SBF1: variants seen among roughly 807,000 people sequenced by gnomAD.
The protein encoded by SBF1 is SET binding factor 1.
Under a neutral mutation model 215.8 loss-of-function variants are expected in SBF1, and 65 were observed. The ratio of observed to expected loss-of-function variants is 0.30; its 90% CI spans 0.25 to 0.37. The LOEUF is 0.37. Among genes scored for constraint, SBF1 ranks in the 10% least tolerant of loss-of-function variants. SBF1 has a pLI of 1.00. For synonymous variants in SBF1, 1,410 were observed against 1,122.8 expected (o/e 1.26, Z -5.11); for missense variants, 2,634 against 2,667.8 (o/e 0.99, Z 0.28).
Position 50,447,075 on chromosome 22 carries a change from G to T in SBF1, c.*67C>A. ...GGCCGGGGCTGTAAACATGGCCGGG[G>T]CGGCCCTGCCCACCCCTAGTGGTCG... On this transcript the variant is annotated 3_prime_UTR_variant, in exon 41 of 41. Coordinates refer to ENST00000380817, the MANE Select transcript of SBF1 (RefSeq NM_002972.4). The T allele has an allele frequency of 7.1e-7, 1 of 1,413,766 alleles. No individual in the cohort carries two copies. Among genetic ancestry groups the T allele is most frequent in the Non-Finnish European group, 9.8e-7 (1 of 1,024,186 alleles). The allele number at this position is 1,413,766 out of a possible 1,614,324, so 87.6% of individuals were successfully genotyped here. A position where few individuals can be genotyped will look rare whatever the true frequency, so the allele number is the denominator to read the frequency against.
chr22:50,464,056 A>C (rs1482854222), intron 15 of SBF1, among the ~76,000 whole-genome samples: 12 of 152,242 alleles, frequency 7.9e-5, no homozygotes, highest in Admixed American at 7.9e-4. Context: ...GGGGAAGGAC[A>C]CAGACGAAAC....
chr22:50,446,371 C>CGCCTCCG lies in SBF1; in HGVS notation c.*764_*770dup, dbSNP rs1556414659. 1.8e-5 allele frequency: 2 copies of CGCCTCCG among 112,402 alleles called. No individual in the cohort carries two copies. Among genetic ancestry groups the CGCCTCCG allele is most frequent in the African/African-American group, 7.2e-5 (2 of 27,778 alleles). 7.0% of individuals were successfully genotyped at this position (112,402 alleles called of 1,614,324 possible). ...GAGCCCACTGTCCCCCCCCCCCCCCCGCCTCCGGCCTCCATCCCTTCAGCT... is the reference window on the plus strand; with the variant it reads ...GAGCCCACTGTCCCCCCCCCCCCCCCGCCTCCGGCCTCCGGCCTCCATCCCTTCAGCT... On this transcript the variant is annotated 3_prime_UTR_variant, in exon 41 of 41. Coordinates refer to ENST00000380817, the MANE Select transcript of SBF1 (RefSeq NM_002972.4).
At chr22:50,452,080 G>GCCGCTGC (rs1183914416) in intron 36 of SBF1, among the ~76,000 whole-genome samples, 1 of 150,890 alleles carries the variant, frequency 6.6e-6, no homozygotes, top group Non-Finnish European at 1.5e-5. Context: ...ACAGGCGTGA[G>GCCGCTGC]CCGCTGCGCC....
chr22:50,454,664 G>A lies in SBF1; in HGVS notation c.4891C>T (p.Pro1631Ser). 1 of 1,582,410 alleles carries A rather than the reference G, an allele frequency of 6.3e-7. No homozygotes were observed. The highest frequency in any genetic ancestry group is 8.6e-7 in the Non-Finnish European group (1 of 1,164,706). Residue 1631 changes from proline (P) to serine (S), a missense_variant, in exon 36 of 41, where the codon CCC (proline) becomes TCC (serine). Pro to Ser is a moderately conservative substitution (Grantham distance 74). Coordinates refer to ENST00000380817, the MANE Select transcript of SBF1 (RefSeq NM_002972.4). ...CCCTGGGCCAGTTCCCAGTCATAGG[G>A]AGGGCCCTCGGCCAGCGTCTCCTCA... Reference protein sequence around the residue: ...YTEETLAEGPPYDWELAQGPP... With the variant: ...YTEETLAEGPSYDWELAQGPP...
In SBF1 at chr22:50,466,191, T is replaced by C; in HGVS notation, c.856A>G (p.Ile286Val). 2 of 1,613,406 alleles carry C rather than the reference T, an allele frequency of 1.2e-6. No individual in the cohort carries two copies. Among genetic ancestry groups the C allele is most frequent in the Non-Finnish European group, 1.7e-6 (2 of 1,180,010 alleles). Residue 286 changes from isoleucine (I) to valine (V), a missense_variant, in exon 8 of 41, where the codon ATT becomes GTT. Coordinates refer to ENST00000380817, the MANE Select transcript of SBF1 (RefSeq NM_002972.4). ...EVLSTPTPFI[I>V]GVNAAFQAET... ...GCCTGGAAGGCCGCGTTGACCCCAA[T>C]GATGAAGGGCGTGGGTGTGCTGAGG... is the stretch of plus-strand genomic sequence containing the variant.
chr22:50,468,026 A>G, intron 2 of SBF1, 103 bp from the exon 3 acceptor site: 1 of 1,409,696 alleles, frequency 7.1e-7, no homozygotes. Context: ...GCTCCAACAC[A>G]CACAGGCAGC....
chr22:50,462,033 C>T lies in SBF1; in HGVS notation c.2483G>A (p.Arg828His), dbSNP rs2067536565. ...CTTGTCCACAAAGCGGTTGATGAAG[C>T]GGACCACAGCCCCAGCTACGTCGCA... ...ETCDVAGAVV[R>H]FINRFVDKVC... is the part of the protein sequence containing the mutation. Residue 828 changes from arginine (R) to histidine (H), a missense_variant, in exon 20 of 41, where the codon CGC becomes CAC. Transcript: ENST00000380817. The T allele has an allele frequency of 9.9e-6, 16 of 1,614,086 alleles. No homozygotes were observed. The highest frequency in any genetic ancestry group is 2.2e-5 in the East Asian group (1 of 44,892).
chr22:50,461,011 G>A (rs1423945172), intron 23 of SBF1, 148 bp downstream of exon 23: 61 of 1,102,418 alleles, frequency 5.5e-5, no homozygotes, highest in Non-Finnish European at 7.0e-5. Context: ...ATCAACTCAA[G>A]AGCCACAGTG....
chr22:50,459,578 C>T lies in SBF1; in HGVS notation c.3580G>A (p.Val1194Met), dbSNP rs1392653408. 5.0e-6 allele frequency: 8 copies of T among 1,609,510 alleles called. No individual in the cohort carries two copies. The highest frequency in any genetic ancestry group is 1.7e-5 in the Admixed American group (1 of 59,334). Residue 1194 changes from valine to methionine, a missense_variant, in exon 27 of 41, where the codon GTG (valine) becomes ATG (methionine). Physicochemically the swap from Val to Met is conservative, Grantham distance 21. Transcript: ENST00000380817. Reference sequence around the variant, plus strand: ...GACCGCCCGCTGCGCCAGCAGACCACGGGGAAGCGGTTCTGGCGGTAGCAG... The same window carrying T: ...GACCGCCCGCTGCGCCAGCAGACCATGGGGAAGCGGTTCTGGCGGTAGCAG... ...SRCYRQNRFPVVCWRSGRSKA... is the reference protein window; with the variant it reads ...SRCYRQNRFPMVCWRSGRSKA...
rs1215697742 is a variant in SBF1 at position 50,460,066 on chromosome 22, C to A, written c.3377G>T (p.Cys1126Phe). The A allele has an allele frequency of 6.2e-7, 1 of 1,613,980 alleles. No homozygotes were observed. Among genetic ancestry groups the A allele is most frequent in the South Asian group, 1.1e-5 (1 of 91,090 alleles). Reference sequence around the variant, plus strand: ...ACCGAGGCGCTGGTAGTCGCGACAGCAAGCCCTTTCCACCAGGCTGCTCAT... The same window carrying A: ...ACCGAGGCGCTGGTAGTCGCGACAGAAAGCCCTTTCCACCAGGCTGCTCAT... ...MTMSSLVERA[C>F]CRDYQRLGLG... The change falls in exon 26 of 41, where the codon TGC becomes TTC. Residue 1126 changes from cysteine to phenylalanine, a missense_variant. Transcript: ENST00000380817.
chr22:50,462,114 G>A lies in SBF1; in HGVS notation c.2402C>T (p.Ala801Val). 3 of 1,613,040 alleles carry A rather than the reference G, an allele frequency of 1.9e-6. No homozygotes were observed. The highest frequency in any genetic ancestry group is 2.5e-6 in the Non-Finnish European group (3 of 1,180,040). The change falls in exon 20 of 41, where the codon GCT (alanine) becomes GTT (valine). Residue 801 changes from alanine (A) to valine (V), a missense_variant. Transcript: ENST00000380817. ...GTCATAGCTCTCGGCCACACTGCCAGCCATGCTGGGCCAGAGAAGAAACTG... is the reference window on the plus strand; with the variant it reads ...GTCATAGCTCTCGGCCACACTGCCAACCATGCTGGGCCAGAGAAGAAACTG... ...ASNSLVTNSM[A>V]GSVAESYDTE...
Position 50,454,613 on chromosome 22 carries a change from GTTC to G in SBF1, c.4939_4941del (p.Glu1647del), listed in dbSNP as rs2067174684. On this transcript the variant is annotated inframe_deletion, in exon 36 of 41. Coordinates refer to ENST00000380817, the MANE Select transcript of SBF1 (RefSeq NM_002972.4). The stretch of plus-strand genomic sequence containing the variant: ...CTCTGGGGAGCGCCTCCATCAGACC[GTTC>G]TTCCTCTGGGGGTTCAGGGGGCCCC... 3.7e-6 allele frequency: 6 copies of G among 1,607,200 alleles called. No homozygotes were observed. In the East Asian group the frequency reaches 1.3e-4, roughly 36 times the overall value.
In SBF1 at chr22:50,447,424, T is replaced by C; in HGVS notation, c.5481A>G (p.Thr1827=). ...QLRYYDHRVD[T]ECKGVIDLAE... ...CCAAGTCGATGACACCCTTGCACTC[T>C]GTGTCCACACGGTGGTCGTAGTAGC... The change falls in exon 40 of 41, where the codon ACA becomes ACG. Residue 1827 remains threonine, a synonymous_variant. Coordinates refer to ENST00000380817, the MANE Select transcript of SBF1 (RefSeq NM_002972.4). The C allele has an allele frequency of 1.2e-6, 2 of 1,613,994 alleles. No individual in the cohort carries two copies. Among genetic ancestry groups the C allele is most frequent in the Non-Finnish European group, 1.7e-6 (2 of 1,179,960 alleles).
intron 36 of SBF1, among the ~76,000 whole-genome samples, chr22:50,453,681 A>T (rs894453786): frequency 2.6e-5 from 4 of 152,024 alleles, no homozygotes; most frequent in Non-Finnish European, 5.9e-5. Flanking sequence ...CAGCTACTCG[A>T]GAGGCTGAGG....
At position 50,463,302 on chromosome 22, in the gene SBF1, A is replaced by G. The variant is rs904822734; in HGVS notation, c.1880T>C (p.Met627Thr). 4.3e-6 allele frequency: 7 copies of G among 1,613,626 alleles called. No individual in the cohort carries two copies. The highest frequency in any genetic ancestry group is 5.9e-6 in the Non-Finnish European group (7 of 1,179,878). Reference sequence around the variant, plus strand: ...CCTCACCTGCAGGCAGCAGTTCATCATACGGACGACAAAGTCAAACTGCTG... The same window carrying G: ...CCTCACCTGCAGGCAGCAGTTCATCGTACGGACGACAAAGTCAAACTGCTG... ...DHQQFDFVVR[M>T]MNCCLQDCTS... The change falls in exon 16 of 41, where the codon ATG becomes ACG. Residue 627 changes from methionine (M) to threonine (T), a missense_variant. Physicochemically the swap from Met to Thr is moderately conservative, Grantham distance 81 (BLOSUM62 -1). Coordinates refer to ENST00000380817, the MANE Select transcript of SBF1 (RefSeq NM_002972.4).
chr22:50,460,220 G>T, intron 25 of SBF1, 52 bp downstream of exon 25: 1 of 1,602,112 alleles, frequency 6.2e-7, no homozygotes, highest in South Asian at 1.1e-5. Context: ...GATCCTCCCT[G>T]GCCAATGTCA....
Position 50,460,362 on chromosome 22 carries a change from G to GC in SBF1, c.3192dup (p.Arg1065AlafsTer23). ...TACTTCTTGCGAGTGACATGCTGCC[G>GC]CCCGATGGTCTTCTTGGCGTTCTTG... On this transcript the variant is annotated frameshift_variant, in exon 25 of 41. Transcript: ENST00000380817. LOFTEE classifies it high-confidence loss of function. 6.2e-7 allele frequency: 1 copy of GC among 1,613,408 alleles called. No homozygotes were observed. The highest frequency in any genetic ancestry group is 8.5e-7 in the Non-Finnish European group (1 of 1,179,548).
intron 38 of SBF1, 32 bp downstream of exon 38, chr22:50,448,201 T>C (rs1251686634): frequency 1.3e-6 from 2 of 1,597,028 alleles, no homozygotes; most frequent in Non-Finnish European, 1.7e-6. Context: ...AGCTCAGAGG[T>C]GTCCATGTGG....
In SBF1 at chr22:50,462,254, C is replaced by T. The variant is rs777835784; in HGVS notation, c.2347G>A (p.Ala783Thr). The T allele has an allele frequency of 6.2e-7, 1 of 1,610,236 alleles. No individual in the cohort carries two copies. The highest frequency in any genetic ancestry group is 1.7e-5 in the Admixed American group (1 of 60,030). ...SSKSRLLRER[A>T]GLGDLESASN... ...GCGCTCTCCAGGTCGCCCAGCCCGGCACGCTCCCGAAGTAGGCGGCTCTTG... is the reference window on the plus strand; with the variant it reads ...GCGCTCTCCAGGTCGCCCAGCCCGGTACGCTCCCGAAGTAGGCGGCTCTTG... The change falls in exon 19 of 41, where the codon GCC becomes ACC. Residue 783 changes from alanine (A) to threonine (T), a missense_variant. Ala to Thr is a moderately conservative substitution (Grantham distance 58). Transcript: ENST00000380817.
Sources: allele counts gnomAD v4.1 joint callset (sites outside exome capture counted in the v4.1 genomes callset), GRCh38; gene constraint gnomAD v4.1.1; transcripts MANE v1.5; gene names NCBI Gene and HGNC (gene_info 2026-07-23, HGNC 2026-07-21).